Variants in SRBD1 observed in about 807,000 individuals in gnomAD.
The protein encoded by SRBD1 is S1 RNA binding domain 1.
Under a neutral mutation model 115.3 loss-of-function variants are expected in SRBD1, and 88 were observed. The ratio of observed to expected loss-of-function variants is 0.76; its 90% CI spans 0.64 to 0.91. The LOEUF is 0.91. SRBD1 is among the 40% of genes least tolerant of loss of function. The pLI, the probability that SRBD1 is intolerant of heterozygous loss-of-function variation, is 0.00. For synonymous variants in SRBD1, 509 were observed against 407.7 expected, an observed-to-expected ratio of 1.25 and a Z score of -2.99; for missense variants, 1,385 against 1,177.4, an observed-to-expected ratio of 1.18 and a Z score of -2.58.
At chr2:45,405,270 C>T (rs892973426) in intron 19 of SRBD1, among the ~76,000 whole-genome samples, 9 of 152,126 alleles carry the variant, frequency 5.9e-5, no homozygotes, top group Admixed American at 2.0e-4. Context: ...TCAGTTCTAG[C>T]CTAAGTTAAT....
At chr2:45,514,950 T>A (rs1671075550) in intron 14 of SRBD1, among the ~76,000 whole-genome samples, 1 of 152,210 alleles carries the variant, frequency 6.6e-6, no homozygotes, top group South Asian at 2.1e-4. Flanking sequence ...ATATTCTTGA[T>A]CAAATATTCT....
At chr2:45,582,556 C>T (rs185130266) in intron 5 of SRBD1, among the ~76,000 whole-genome samples, 2 of 152,214 alleles carry the variant, frequency 1.3e-5, no homozygotes, top group East Asian at 1.9e-4. Context: ...AATTTATTCA[C>T]TGATTTATTT....
At chr2:45,415,903 T>C (rs993271950) in intron 18 of SRBD1, among the ~76,000 whole-genome samples, 3 of 151,934 alleles carry the variant, frequency 2.0e-5, no homozygotes, top group African/African-American at 7.3e-5. Flanking sequence ...ATCCTGTTTC[T>C]AGTCTTCTCT....
chr2:45,534,439 T>C (rs760728975), intron 14 of SRBD1, among the ~76,000 whole-genome samples: 2 of 151,738 alleles, frequency 1.3e-5, no homozygotes, highest in Non-Finnish European at 3.0e-5. Context: ...GCAACAAAAT[T>C]CTAGAATGTC....
chr2:45,389,695 G>A, intron 20 of SRBD1, 96 bp from the exon 21 acceptor site: 1 of 1,217,606 alleles, frequency 8.2e-7, no homozygotes, highest in Non-Finnish European at 1.1e-6. Context: ...TATGTGCCCA[G>A]ACCAATATTA....
intron 14 of SRBD1, among the ~76,000 whole-genome samples, chr2:45,542,110 G>A (rs1326283332): frequency 6.6e-6 from 1 of 152,208 alleles, no homozygotes; most frequent in Admixed American, 6.5e-5. Context: ...CTGTAGGCCT[G>A]TGCCAAGCTG....
chr2:45,469,368 G>C (rs569697774), intron 16 of SRBD1, among the ~76,000 whole-genome samples: 36 of 152,270 alleles, frequency 2.4e-4, no homozygotes, highest in Non-Finnish European at 4.4e-4. Context: ...AGGTGAACTT[G>C]AAACTGAAAT....
chr2:45,582,472 C>T (rs1489138565), intron 5 of SRBD1, among the ~76,000 whole-genome samples: 1 of 152,012 alleles, frequency 6.6e-6, no homozygotes. Context: ...CTCTTTATTC[C>T]TCTTGTAATT....
chr2:45,526,832 T>C (rs947210531), intron 14 of SRBD1, among the ~76,000 whole-genome samples: 1 of 151,892 alleles, frequency 6.6e-6, no homozygotes, highest in South Asian at 2.1e-4. Flanking sequence ...TTAGGATTCA[T>C]GTAAAGGAAA....
intron 9 of SRBD1, among the ~76,000 whole-genome samples, chr2:45,565,879 A>C (rs1672812828): frequency 6.6e-6 from 1 of 152,070 alleles, no homozygotes; most frequent in African/African-American, 2.4e-5. Context: ...GCCTGCCTCA[A>C]CCTCCCAAAG....
At chr2:45,455,398 G>C (rs1290878932) in intron 16 of SRBD1, among the ~76,000 whole-genome samples, 1 of 151,844 alleles carries the variant, frequency 6.6e-6, no homozygotes, top group Non-Finnish European at 1.5e-5. Context: ...AGAGTTTTTA[G>C]AATAATCATC....
rs145465618 is a variant in SRBD1, at chr2:45,404,225, G to C, written c.2513+8889C>G. 3.1e-3 allele frequency among the ~76,000 whole-genome samples: 474 copies of C among 152,278 alleles called. 5 individuals are homozygous for C. The highest frequency in any genetic ancestry group is 0.011 in the African/African-American group (446 of 41,564). ...ATAATATGAGATGAAAAAGATTATA[G>C]TTGAAGATTTTGGGGAGAGACGGGT... On this transcript the variant is annotated intron_variant, in intron 19 of 20. Transcript: ENST00000263736.
At chr2:45,483,306 T>C (rs1670021151) in intron 15 of SRBD1, among the ~76,000 whole-genome samples, 1 of 151,990 alleles carries the variant, frequency 6.6e-6, no homozygotes, top group Non-Finnish European at 1.5e-5. Flanking sequence ...AAGTTAAGCA[T>C]TAGAGAAAAA....
chr2:45,435,661 A>C (rs1668473894), intron 16 of SRBD1, among the ~76,000 whole-genome samples: 1 of 152,000 alleles, frequency 6.6e-6, no homozygotes, highest in Admixed American at 6.6e-5. Context: ...ACGTCCTACC[A>C]ATCATACTGA....
chr2:45,551,012 C>A, intron 12 of SRBD1, 113 bp downstream of exon 12: 1 of 1,322,298 alleles, frequency 7.6e-7, no homozygotes, highest in Non-Finnish European at 1.0e-6. Context: ...TGTGAGAAAA[C>A]CACTTTTTAA....
In SRBD1 at chr2:45,463,832, A is replaced by C. The variant is rs116748067; in HGVS notation, c.2049+13161T>G. Among the ~76,000 whole-genome samples, 631 of 152,312 alleles carry C rather than the reference A, an allele frequency of 4.1e-3. 3 individuals carry two copies. Among genetic ancestry groups the C allele is most frequent in the African/African-American group, 0.015 (616 of 41,576 alleles). ...ACACAACCAATATATGCATCCACAC[A>C]TAACCAGTACACTAAAAACTCCCTT... On this transcript the variant is annotated intron_variant, in intron 16 of 20. Coordinates refer to ENST00000263736, the MANE Select transcript of SRBD1 (RefSeq NM_018079.5).
chr2:45,462,064 A>T (rs914139354), intron 16 of SRBD1, among the ~76,000 whole-genome samples: 18 of 152,238 alleles, frequency 1.2e-4, no homozygotes, highest in African/African-American at 4.1e-4. Flanking sequence ...AAAAAAAAGG[A>T]ATCATTTTGT....
chr2:45,576,900 G>C (rs975213095), intron 7 of SRBD1, among the ~76,000 whole-genome samples: 6 of 152,150 alleles, frequency 3.9e-5, no homozygotes, highest in African/African-American at 9.7e-5. Flanking sequence ...CATAAGAGGG[G>C]AATATAATTT....
intron 16 of SRBD1, among the ~76,000 whole-genome samples, chr2:45,465,790 T>C (rs1669468816): frequency 6.6e-6 from 1 of 152,184 alleles, no homozygotes; most frequent in Non-Finnish European, 1.5e-5. Context: ...AACACCTGGA[T>C]CTAAGAAGCA....
Sources: allele counts gnomAD v4.1 joint callset (sites outside exome capture counted in the v4.1 genomes callset), GRCh38; gene constraint gnomAD v4.1.1; transcripts MANE v1.5; gene names NCBI Gene and HGNC (gene_info 2026-07-23, HGNC 2026-07-21).